The following TMCC1 variants were observed in gnomAD, a reference collection of about 807,000 sequenced individuals.
The protein encoded by TMCC1 is transmembrane and coiled-coil domains protein 1.
In TMCC1, 15 loss-of-function variants were observed where a neutral mutation model predicts 52.4. The ratio of observed to expected loss-of-function variants is 0.29; its 90% CI spans 0.19 to 0.44. The LOEUF (loss-of-function observed/expected upper bound fraction) is 0.44, where lower values mean the gene tolerates loss of function less well. TMCC1 is among the 20% of genes least tolerant of loss of function. The pLI is 1.00. For synonymous variants in TMCC1, 279 were observed against 301.9 expected (o/e 0.92, Z 0.79); for missense variants, 503 against 806.0 (o/e 0.62, Z 4.55).
chr3:129,798,009 T>C (rs2056954570), intron 4 of TMCC1, among the ~76,000 whole-genome samples: 1 of 151,524 alleles, frequency 6.6e-6, no homozygotes, highest in East Asian at 1.9e-4. Flanking sequence ...TTCTTTTTTT[T>C]TTTGAGACGA....
intron 5 of TMCC1, among the ~76,000 whole-genome samples, chr3:129,656,372 T>G (rs958752353): frequency 1.5e-4 from 23 of 152,238 alleles, no homozygotes; most frequent in African/African-American, 5.3e-4. Flanking sequence ...ACATTTAACA[T>G]TAACACCAGC....
At chr3:129,780,691 G>A (rs1332857254) in intron 4 of TMCC1, among the ~76,000 whole-genome samples, 1 of 151,992 alleles carries the variant, frequency 6.6e-6, no homozygotes, top group African/African-American at 2.4e-5. Context: ...TGAAAACCCT[G>A]AGTCTTCCTT....
At chr3:129,684,290 A>G (rs2089240480) in intron 4 of TMCC1, among the ~76,000 whole-genome samples, 1 of 152,246 alleles carries the variant, frequency 6.6e-6, no homozygotes, top group Non-Finnish European at 1.5e-5. Context: ...CAGCTATTCA[A>G]AGACTTCTGA....
At chr3:129,661,955 G>T (rs2087066084) in intron 5 of TMCC1, among the ~76,000 whole-genome samples, 1 of 151,982 alleles carries the variant, frequency 6.6e-6, no homozygotes, top group African/African-American at 2.4e-5. Flanking sequence ...TTTACTTCCT[G>T]TCTAAATTCT....
chr3:129,713,196 A>T (rs941696114), intron 4 of TMCC1, among the ~76,000 whole-genome samples: 1 of 152,174 alleles, frequency 6.6e-6, no homozygotes, highest in Non-Finnish European at 1.5e-5. Flanking sequence ...CAGGAGAAGG[A>T]GGCTGTAGTG....
intron 1 of TMCC1, among the ~76,000 whole-genome samples, chr3:129,886,065 T>C (rs2061686014): frequency 6.6e-6 from 1 of 152,048 alleles, no homozygotes; most frequent in Non-Finnish European, 1.5e-5. Flanking sequence ...TAAATGCAAT[T>C]CATACACTCA....
intron 4 of TMCC1, among the ~76,000 whole-genome samples, chr3:129,817,000 C>A (rs2058129183): frequency 6.6e-6 from 1 of 151,922 alleles, no homozygotes; most frequent in South Asian, 2.1e-4. Flanking sequence ...TGCACTCCAA[C>A]CTGGGTGACA....
intron 4 of TMCC1, among the ~76,000 whole-genome samples, chr3:129,748,499 G>A (rs1364849425): frequency 6.6e-6 from 1 of 152,028 alleles, no homozygotes; most frequent in Non-Finnish European, 1.5e-5. Flanking sequence ...TGTTGGCCAG[G>A]CTGGTCTCGA....
At chr3:129,750,016 T>C (rs1176805565) in intron 4 of TMCC1, among the ~76,000 whole-genome samples, 4 of 152,242 alleles carry the variant, frequency 2.6e-5, no homozygotes, top group African/African-American at 9.6e-5. Flanking sequence ...TGAAATTATA[T>C]GCATATGATG....
At chr3:129,818,420 AG>A (rs2058221519) in intron 4 of TMCC1, among the ~76,000 whole-genome samples, 1 of 147,936 alleles carries the variant, frequency 6.8e-6, no homozygotes, top group Admixed American at 6.7e-5. Flanking sequence ...TTTAAAGAAA[AG>A]TTTTAAAGAA....
At chr3:129,866,423 G>A (rs2060654232) in intron 2 of TMCC1, among the ~76,000 whole-genome samples, 1 of 144,040 alleles carries the variant, frequency 6.9e-6, no homozygotes, top group Non-Finnish European at 1.5e-5. Flanking sequence ...TGTTGCCCAG[G>A]CTGGAGTGCA....
At chr3:129,739,700 G>A (rs781054203) in intron 4 of TMCC1, among the ~76,000 whole-genome samples, 3 of 152,142 alleles carry the variant, frequency 2.0e-5, no homozygotes, top group Non-Finnish European at 4.4e-5. Flanking sequence ...ACAGAAGACT[G>A]AACTCACTGG....
chr3:129,795,847 T>C (rs1016466196), intron 4 of TMCC1, among the ~76,000 whole-genome samples: 2 of 152,206 alleles, frequency 1.3e-5, no homozygotes, highest in Non-Finnish European at 2.9e-5. Context: ...GAGTAAGCGA[T>C]TTGGTCATCA....
intron 1 of TMCC1, among the ~76,000 whole-genome samples, chr3:129,886,361 T>C (rs1438303147): frequency 6.6e-6 from 1 of 152,204 alleles, no homozygotes; most frequent in Non-Finnish European, 1.5e-5. Context: ...TGGAAAACTT[T>C]CTACTTTATA....
At chr3:129,735,295 A>C (rs1186982897) in intron 4 of TMCC1, among the ~76,000 whole-genome samples, 1 of 152,350 alleles carries the variant, frequency 6.6e-6, no homozygotes, top group East Asian at 1.9e-4. Flanking sequence ...GTTTAATGAA[A>C]GAATATTCTA....
At chr3:129,836,967 G>A (rs2059189251) in intron 2 of TMCC1, among the ~76,000 whole-genome samples, 1 of 152,138 alleles carries the variant, frequency 6.6e-6, no homozygotes, top group Non-Finnish European at 1.5e-5. Context: ...ATCTCCCTGT[G>A]GAACAAAAGG....
intron 5 of TMCC1, among the ~76,000 whole-genome samples, chr3:129,666,867 C>T (rs974825397): frequency 3.3e-5 from 5 of 151,834 alleles, no homozygotes; most frequent in African/African-American, 1.2e-4. Flanking sequence ...GAGTTCAAGA[C>T]CAGCAAGGCA....
intron 4 of TMCC1, among the ~76,000 whole-genome samples, chr3:129,776,366 C>T (rs2055039397): frequency 6.6e-6 from 1 of 152,134 alleles, no homozygotes; most frequent in African/African-American, 2.4e-5. Context: ...GAAACTAAAG[C>T]TCAGCTCAGA....
chr3:129,707,384 A>G (rs2108988015), intron 4 of TMCC1, among the ~76,000 whole-genome samples: 1 of 152,356 alleles, frequency 6.6e-6, no homozygotes, highest in Admixed American at 6.5e-5. Context: ...AATTTATTAG[A>G]AATGTCAAAG....
Sources: allele counts gnomAD v4.1 joint callset (sites outside exome capture counted in the v4.1 genomes callset), GRCh38; gene constraint gnomAD v4.1.1; transcripts MANE v1.5; gene names NCBI Gene and HGNC (gene_info 2026-07-23, HGNC 2026-07-21).